The following ERC1 variants were observed in gnomAD, a reference collection of about 807,000 sequenced individuals.
ERC1 encodes RAB6 interacting protein 2.
Under a neutral mutation model 132.0 loss-of-function variants are expected in ERC1, and 56 were observed. The ratio of observed to expected loss-of-function variants is 0.42; its 90% CI spans 0.34 to 0.53. ERC1 has a LOEUF of 0.53. Ranked by LOEUF, ERC1 falls within the 20% of genes least tolerant of loss-of-function variation. The pLI, the probability that ERC1 is intolerant of heterozygous loss-of-function variation, is 0.03. For synonymous variants in ERC1, 478 were observed against 476.1 expected (o/e 1.00, Z -0.05); for missense variants, 1,202 against 1,349.9 (o/e 0.89, Z 1.72).
At chr12:1,353,837 G>A (rs1380960114) in intron 15 of ERC1, among the ~76,000 whole-genome samples, 4 of 152,134 alleles carry the variant, frequency 2.6e-5, no homozygotes, top group Non-Finnish European at 4.4e-5. Context: ...ACCCTCCAAA[G>A]TAGTAACTTT....
chr12:1,373,992 C>T (rs1243097514), intron 16 of ERC1, among the ~76,000 whole-genome samples: 1 of 152,184 alleles, frequency 6.6e-6, no homozygotes, highest in African/African-American at 2.4e-5. Flanking sequence ...TTTTACATTC[C>T]TGCCCTTTCA....
intron 4 of ERC1, among the ~76,000 whole-genome samples, chr12:1,109,022 T>TC (rs1180769130): frequency 1.3e-5 from 2 of 152,204 alleles, no homozygotes; most frequent in Non-Finnish European, 2.9e-5. Flanking sequence ...TATCTAAAAC[T>TC]CCAAGTGAAA....
At chr12:1,456,997 C>G (rs976241216) in intron 18 of ERC1, among the ~76,000 whole-genome samples, 2 of 152,140 alleles carry the variant, frequency 1.3e-5, no homozygotes. Context: ...ATGACGGACC[C>G]CATGTTCCAC....
At chr12:1,374,105 G>A (rs1328075453) in intron 16 of ERC1, among the ~76,000 whole-genome samples, 1 of 152,126 alleles carries the variant, frequency 6.6e-6, no homozygotes, top group African/African-American at 2.4e-5. Context: ...ACAAGGGAGA[G>A]GCCTTTTGGA....
intron 7 of ERC1, among the ~76,000 whole-genome samples, chr12:1,125,284 G>A (rs909570992): frequency 4.0e-5 from 6 of 151,740 alleles, no homozygotes; most frequent in African/African-American, 7.3e-5. Flanking sequence ...ATGAGCCACC[G>A]CGCCCAGCCC....
chr12:1,142,014 A>G (rs1057298533), intron 8 of ERC1, among the ~76,000 whole-genome samples: 1 of 152,204 alleles, frequency 6.6e-6, no homozygotes, highest in African/African-American at 2.4e-5. Flanking sequence ...AGTGCTTTTC[A>G]TGCTGTTTCT....
chr12:1,297,480 T>C (rs1300230586), intron 15 of ERC1, among the ~76,000 whole-genome samples: 1 of 142,608 alleles, frequency 7.0e-6, no homozygotes, highest in African/African-American at 2.7e-5. Context: ...GGTGGGAGGA[T>C]CACTTGAGTC....
chr12:1,094,672 A>C (rs1415944152), intron 3 of ERC1, among the ~76,000 whole-genome samples: 1 of 152,066 alleles, frequency 6.6e-6, no homozygotes. Context: ...TGGCTTCCCA[A>C]ATGCTAGGAT....
intron 14 of ERC1, among the ~76,000 whole-genome samples, chr12:1,276,238 TTTC>T (rs1288652615): frequency 6.9e-6 from 1 of 144,754 alleles, no homozygotes. Context: ...TCTTTTTCTT[TTTC>T]TTTTTTTTTT....
intron 7 of ERC1, among the ~76,000 whole-genome samples, chr12:1,125,039 G>T (rs1947999899): frequency 6.6e-6 from 1 of 151,458 alleles, no homozygotes; most frequent in African/African-American, 2.4e-5. Context: ...CTTTCGCCTA[G>T]GCCGGAGTGC....
chr12:1,289,922 C>T lies in ERC1; in HGVS notation c.2690C>T (p.Ser897Phe). The part of the protein sequence containing the change: ...ELESMKAKLS[S>F]TQQSLAEKET... ...GAATCCATGAAAGCAAAGCTGTCCT[C>T]CACCCAGCAGTCTCTGGCAGAAAAG... The change falls in exon 15 of 19, where the codon TCC (serine) becomes TTC (phenylalanine). Residue 897 changes from serine (S) to phenylalanine (F), a missense_variant. Physicochemically the swap from Ser to Phe is radical, Grantham distance 155 (BLOSUM62 -2). Transcript: ENST00000360905. The T allele has an allele frequency of 1.9e-6, 3 of 1,613,888 alleles. No homozygotes were observed. Among genetic ancestry groups the T allele is most frequent in the Non-Finnish European group, 2.5e-6 (3 of 1,179,786 alleles).
chr12:1,203,853 T>TAAAC (rs1957130174), intron 12 of ERC1: 1 of 152,328 alleles, frequency 6.6e-6, no homozygotes, highest in South Asian at 2.1e-4. Flanking sequence ...TGAATTGATG[T>TAAAC]AAACAAGCCT....
At chr12:1,071,636 T>C (rs931547571) in intron 2 of ERC1, among the ~76,000 whole-genome samples, 2 of 152,146 alleles carry the variant, frequency 1.3e-5, no homozygotes, top group African/African-American at 4.8e-5. Flanking sequence ...CCAATTTTAT[T>C]TTTATAGTGG....
Position 1,337,321 on chromosome 12 carries a change from T to C in ERC1, c.2781-34512T>C, listed in dbSNP as rs183265069. ...AGTAATGCTCTTCTTTTTCTTTTTT[T>C]TTTTTAATCTTTGTTGGTTTAAAGT... On this transcript the variant is annotated intron_variant, in intron 15 of 18. Coordinates refer to ENST00000360905, the MANE Select transcript of ERC1 (RefSeq NM_178040.4). Among the ~76,000 whole-genome samples, 460 of 152,228 alleles carry C rather than the reference T, an allele frequency of 3.0e-3. 1 individual carries two copies. The highest frequency in any genetic ancestry group is 5.4e-3 in the Non-Finnish European group (367 of 68,024).
chr12:1,065,600 G>A (rs1013853030), intron 2 of ERC1, among the ~76,000 whole-genome samples: 3 of 5,900 alleles, frequency 5.1e-4, no homozygotes, highest in East Asian at 0.017. Flanking sequence ...TTTTGGGGCG[G>A]GGGGGGACGG....
In ERC1 at chr12:1,236,735, AT is replaced by A. The variant is rs545820275; in HGVS notation, c.2352-33del. Reference sequence around the variant, plus strand: ...AACATATTTGTTTCTATACATACATATGCAAAGCTTGATTTTTCTCCTTCTG... The same window carrying A: ...AACATATTTGTTTCTATACATACATAGCAAAGCTTGATTTTTCTCCTTCTG... On this transcript the variant is annotated intron_variant, in intron 12 of 18. Coordinates refer to ENST00000360905, the MANE Select transcript of ERC1 (RefSeq NM_178040.4). 2.5e-4 allele frequency: 396 copies of A among 1,602,744 alleles called. No homozygotes were observed. The African/African-American group carries it at 4.4e-3, about 18-fold the overall frequency.
At position 1,419,458 on chromosome 12, in the gene ERC1, T is replaced by G. The variant is rs546289370; in HGVS notation, c.3024+11211T>G. ...GAAGCCTCCAAGAGTGTGGTCTTTT[T>G]AAAGCTGGAACTCACATCCTTTATT... On this transcript the variant is annotated intron_variant, in intron 17 of 18. Transcript: ENST00000360905. Among the ~76,000 whole-genome samples, 30 of 149,854 alleles carry G rather than the reference T, an allele frequency of 2.0e-4. 1 individual carries two copies. The East Asian group carries it at 3.7e-3, about 18-fold the overall frequency.
In ERC1 at chr12:1,146,308, G is replaced by GTTTTTTTTTTTTTTTTTTTTTTTT. The variant is rs1172108036; in HGVS notation, c.1737+4523_1737+4546dup. 2.2e-4 allele frequency among the ~76,000 whole-genome samples: 7 copies of GTTTTTTTTTTTTTTTTTTTTTTTT among 31,810 alleles called. 1 individual carries two copies. Among genetic ancestry groups the GTTTTTTTTTTTTTTTTTTTTTTTT allele is most frequent in the African/African-American group, 7.5e-4 (6 of 8,000 alleles). The allele number at this position is 31,810 out of a possible 152,430, so 20.9% of individuals were successfully genotyped here. On this transcript the variant is annotated intron_variant, in intron 8 of 18. Coordinates refer to ENST00000360905, the MANE Select transcript of ERC1 (RefSeq NM_178040.4). The stretch of plus-strand genomic sequence containing the variant: ...ATTTCCTTGTTTAGGTATTTTACTG[G>GTTTTTTTTTTTTTTTTTTTTTTTT]TTTTTTTTTTTTTTTTTTTTTTTTT...
intron 13 of ERC1, among the ~76,000 whole-genome samples, chr12:1,258,034 G>C (rs1278365029): frequency 6.6e-6 from 1 of 152,086 alleles, no homozygotes; most frequent in African/African-American, 2.4e-5. Context: ...AGTGGCTTCT[G>C]CATTGGACAG....
Sources: allele counts gnomAD v4.1 joint callset (sites outside exome capture counted in the v4.1 genomes callset), GRCh38; gene constraint gnomAD v4.1.1; transcripts MANE v1.5; gene names NCBI Gene and HGNC (gene_info 2026-07-23, HGNC 2026-07-21).